GTPBP3: variants seen among roughly 807,000 people sequenced by gnomAD.
GTPBP3 encodes the protein 5-taurinomethyluridine-[tRNA] synthase subunit GTPB3, mitochondrial.
GTPBP3 carries 35 observed loss-of-function variants against 42.0 expected under a neutral mutation model. The ratio of observed to expected loss-of-function variants is 0.83; its 90% CI spans 0.64 to 1.10. GTPBP3 has a LOEUF of 1.10. GTPBP3 is among the 50% of genes least tolerant of loss of function. The probability of loss-of-function intolerance (pLI) is 0.00; values close to 1 mark genes in which losing one functional copy is unlikely to be tolerated. For missense variants in GTPBP3, 691 were observed against 685.2 expected, an observed-to-expected ratio of 1.01 and a Z score of -0.09; for synonymous variants, 332 against 314.9, an observed-to-expected ratio of 1.05 and a Z score of -0.58.
chr19:17,341,484 G>C lies in GTPBP3; in HGVS notation c.1260G>C (p.Gly420=). The change falls in exon 9 of 9, where the codon GGG becomes GGC. Residue 420 remains glycine (G), a synonymous_variant. Coordinates refer to ENST00000324894, the MANE Select transcript of GTPBP3 (RefSeq NM_032620.4). ...TGTCTCTTGTCTCTTCCAGGTGTGG[G>C]GACCCGTCCACAGATCCCCCGCTGC... ...ALRKELAAVC[G]DPSTDPPLLT... The C allele has an allele frequency of 6.2e-7, 1 of 1,609,510 alleles. No homozygotes were observed. Among genetic ancestry groups the C allele is most frequent in the Non-Finnish European group, 8.5e-7 (1 of 1,177,104 alleles).
chr19:17,341,924 G>A lies in GTPBP3; in HGVS notation c.*221G>A, dbSNP rs938964708. On this transcript the variant is annotated 3_prime_UTR_variant, in exon 9 of 9. Coordinates refer to ENST00000324894, the MANE Select transcript of GTPBP3 (RefSeq NM_032620.4). ...ATGGAGGTCCCGTTCGACCCTTGAT[G>A]CTGGGGCATCCGGGTTGGGATGGAG... 1 of 437,106 alleles carries A rather than the reference G, an allele frequency of 2.3e-6. No homozygotes were observed. Among genetic ancestry groups the A allele is most frequent in the Non-Finnish European group, 4.0e-6 (1 of 249,404 alleles). The allele number at this position is 437,106 out of a possible 1,614,324, so 27.1% of individuals were successfully genotyped here.
chr19:17,337,847 C>T, intron 1 of GTPBP3, 161 bp from the exon 2 acceptor site: 1 of 1,214,776 alleles, frequency 8.2e-7, no homozygotes, highest in Non-Finnish European at 1.1e-6. Flanking sequence ...CTCACAGTCC[C>T]TAATCCGGTC....
In GTPBP3 at chr19:17,339,047, G is replaced by C; in HGVS notation, c.664+21G>C. 1.9e-6 allele frequency: 3 copies of C among 1,614,116 alleles called. No individual in the cohort carries two copies. Among genetic ancestry groups the C allele is most frequent in the African/African-American group, 2.7e-5 (2 of 75,062 alleles). On this transcript the variant is annotated intron_variant, in intron 5 of 8. Transcript: ENST00000324894. The stretch of plus-strand genomic sequence containing the variant: ...GCAAGGTGGGTCTACCTGGTGGTGG[G>C]GGAGGAAGACACCTCATATCAGCCC...
intron 8 of GTPBP3, 42 bp from the exon 9 acceptor site, chr19:17,341,436 T>C: frequency 6.3e-7 from 1 of 1,580,142 alleles, no homozygotes; most frequent in Non-Finnish European, 8.6e-7. Flanking sequence ...CAAGGGATGG[T>C]TGTAAAAGGT....
upstream of GTPBP3, chr19:17,335,244 C>G (rs540607872): frequency 7.2e-7 from 1 of 1,391,472 alleles, no homozygotes; most frequent in African/African-American, 1.4e-5. Context: ...TGCTTAGGAA[C>G]TTTGCACGCA....
rs749257259 is a variant in GTPBP3, at chr19:17,341,445, G to C, written c.1254-33G>C. On this transcript the variant is annotated intron_variant, in intron 8 of 8. Transcript: ENST00000324894. ...CCCCTTCAAGGGATGGTTGTAAAAG[G>C]TCGGGAGAGACCATGTCTCTTGTCT... 26 of 1,590,558 alleles carry C rather than the reference G, an allele frequency of 1.6e-5. No homozygotes were observed. In the Admixed American group the frequency reaches 4.3e-4, roughly 26 times the overall value.
rs960584148 is a variant in GTPBP3, at chr19:17,341,092, G to T, written c.1023G>T (p.Leu341=). 2 of 1,613,738 alleles carry T rather than the reference G, an allele frequency of 1.2e-6. No homozygotes were observed. The highest frequency in any genetic ancestry group is 2.7e-5 in the African/African-American group (2 of 74,896). ...LILAMLDASD[L]ASPSSCNFLA... ...TGGCCATGCTGGATGCTTCTGACCTGGCCTCTCCCTCCAGTTGCAACTTCC... is the reference window on the plus strand; with the variant it reads ...TGGCCATGCTGGATGCTTCTGACCTTGCCTCTCCCTCCAGTTGCAACTTCC... Residue 341 remains leucine (L), a synonymous_variant, in exon 8 of 9, where the codon CTG becomes CTT. Transcript: ENST00000324894.
intron 8 of GTPBP3, 63 bp downstream of exon 8, chr19:17,341,385 C>T: frequency 6.4e-7 from 1 of 1,553,596 alleles, no homozygotes; most frequent in Non-Finnish European, 8.7e-7. Flanking sequence ...CCCTCAACTT[C>T]AATTTCTGAA....
rs3810207 is a variant in GTPBP3 at position 17,339,368 on chromosome 19, G to A, written c.809-66G>A. Reference sequence around the variant, plus strand: ...CAGGTCTAAAGCTCCCTCCAGACATGGGGTAGAACCTGGGGGAGGAGCTCC... The same window carrying A: ...CAGGTCTAAAGCTCCCTCCAGACATAGGGTAGAACCTGGGGGAGGAGCTCC... On this transcript the variant is annotated intron_variant, in intron 6 of 8. Transcript: ENST00000324894. The A allele has an allele frequency of 3.1e-4, 492 of 1,591,734 alleles. 7 individuals carry two copies. In the East Asian group the frequency reaches 0.011, roughly 35 times the overall value.
Position 17,338,056 on chromosome 19 carries a change from C to T in GTPBP3, c.102C>T (p.Ala34=), listed in dbSNP as rs1325907178. 1 of 1,597,954 alleles carries T rather than the reference C, an allele frequency of 6.3e-7. No homozygotes were observed. The highest frequency in any genetic ancestry group is 8.5e-7 in the Non-Finnish European group (1 of 1,179,468). The change falls in exon 2 of 9, where the codon GCC becomes GCT. Residue 34 remains alanine (A), a synonymous_variant. Coordinates refer to ENST00000324894, the MANE Select transcript of GTPBP3 (RefSeq NM_032620.4). ...GCGCACCAGCCCCCGGCTCCGGCGC[C>T]ACCATCTTCGCGCTAAGCTCTGGCC... ...SSGAPAPGSG[A]TIFALSSGQG...
At chr19:17,340,148 C>A (rs1407519432) in intron 7 of GTPBP3, among the ~76,000 whole-genome samples, 1 of 151,992 alleles carries the variant, frequency 6.6e-6, no homozygotes, top group Admixed American at 6.6e-5. Flanking sequence ...GATTCTTCTG[C>A]CTGGGCCTCC....
At chr19:17,339,912 ATTT>A (rs35014753) in intron 7 of GTPBP3, among the ~76,000 whole-genome samples, 1,499 of 139,790 alleles carry the variant, frequency 0.011, 15 homozygotes, top group Middle Eastern at 0.022. Flanking sequence ...ACGCCGAACT[ATTT>A]TTTTTTTTTT....
chr19:17,338,855 A>G (rs2074396710), intron 4 of GTPBP3, 99 bp from the exon 5 acceptor site: 2 of 1,534,194 alleles, frequency 1.3e-6, no homozygotes, highest in Admixed American at 2.0e-5. Flanking sequence ...CCGGCCTATG[A>G]GCCGCCATTC....
chr19:17,339,232 C>T lies in GTPBP3; in HGVS notation c.774C>T (p.Pro258=), dbSNP rs758434694. ...SGVHVVVTGP[P]NAGKSSLVNL... is the part of the protein sequence containing the mutation. ...TGCACGTAGTGGTCACTGGACCCCC[C>T]AATGCGGGCAAGAGCAGCCTAGTGA... Residue 258 remains proline (P), a synonymous_variant, in exon 6 of 9, where the codon CCC becomes CCT. Coordinates refer to ENST00000324894, the MANE Select transcript of GTPBP3 (RefSeq NM_032620.4). 6.2e-7 allele frequency: 1 copy of T among 1,610,888 alleles called. No homozygotes were observed. The highest frequency in any genetic ancestry group is 8.5e-7 in the Non-Finnish European group (1 of 1,179,496).
At chr19:17,337,090 C>T (rs978439332), upstream of GTPBP3, 1 of 152,942 alleles carries the variant, frequency 6.5e-6, no homozygotes, top group South Asian at 2.1e-4. Context: ...GGCGTGGGTT[C>T]TCCAGTACTC....
intron 7 of GTPBP3, among the ~76,000 whole-genome samples, chr19:17,340,479 A>G (rs749229667): frequency 7.4e-4 from 105 of 142,312 alleles, no homozygotes; most frequent in Admixed American, 2.1e-3. Flanking sequence ...CTTGCGGTCT[A>G]TCCCATCCCC....
In GTPBP3 at chr19:17,341,899, A is replaced by G; in HGVS notation, c.*196A>G. 3 of 489,966 alleles carry G rather than the reference A, an allele frequency of 6.1e-6. No homozygotes were observed. The highest frequency in any genetic ancestry group is 1.1e-5 in the Non-Finnish European group (3 of 282,852). The allele number at this position is 489,966 out of a possible 1,614,324, so 30.4% of individuals were successfully genotyped here. ...GATTCAGGCCCTGGAATGGGGCTGA[A>G]TGGAGGTCCCGTTCGACCCTTGATG... On this transcript the variant is annotated 3_prime_UTR_variant, in exon 9 of 9. Transcript: ENST00000324894.
At position 17,338,214 on chromosome 19, in the gene GTPBP3, C is replaced by T. The variant is rs750052227; in HGVS notation, c.260C>T (p.Ser87Phe). Residue 87 changes from serine (S) to phenylalanine (F), a missense_variant, in exon 2 of 9, where the codon TCC becomes TTC. Ser to Phe is a radical substitution (Grantham distance 155). Coordinates refer to ENST00000324894, the MANE Select transcript of GTPBP3 (RefSeq NM_032620.4). The stretch of plus-strand genomic sequence containing the variant: ...CTGCGCCTGCTCAGCGATCCCCGCT[C>T]CGGGGAGCCTCTGGACCGCGCACTG... ...ASLRLLSDPR[S>F]GEPLDRALVL... 68 of 1,583,472 alleles carry T rather than the reference C, an allele frequency of 4.3e-5. 1 individual carries two copies. In the South Asian group the frequency reaches 7.4e-4, roughly 17 times the overall value.
In GTPBP3 at chr19:17,337,994, C is replaced by A. The variant is rs1418457700; in HGVS notation, c.54-14C>A. ...CCTCCCAGGTGCGCTGATTCGCCTC[C>A]CCTCCGGTTCCAGATTGTGCACGCG... On this transcript the variant is annotated splice_polypyrimidine_tract_variant and intron_variant, in intron 1 of 8. Transcript: ENST00000324894. The A allele has an allele frequency of 6.3e-7, 1 of 1,595,946 alleles. No individual in the cohort carries two copies. The highest frequency in any genetic ancestry group is 1.1e-5 in the South Asian group (1 of 90,830).
Sources: allele counts gnomAD v4.1 joint callset (sites outside exome capture counted in the v4.1 genomes callset), GRCh38; gene constraint gnomAD v4.1.1; transcripts MANE v1.5; gene names NCBI Gene and HGNC (gene_info 2026-07-23, HGNC 2026-07-21).